Variants in TASP1 observed in about 807,000 individuals in gnomAD.
TASP1 encodes the protein threonine aspartase 1.
In TASP1, 16 loss-of-function variants were observed where a neutral mutation model predicts 56.6. The observed-to-expected ratio is 0.28, with a 90% CI of 0.19 to 0.43. The LOEUF (loss-of-function observed/expected upper bound fraction) is 0.43, where lower values mean the gene tolerates loss of function less well. TASP1 is among the 20% of genes least tolerant of loss of function. The pLI is 1.00. For missense variants in TASP1, 393 were observed against 511.6 expected (o/e 0.77, Z 2.24); for synonymous variants, 179 against 184.2 (o/e 0.97, Z 0.23).
At chr20:13,345,973 C>T in the TASP1 span, among the ~76,000 whole-genome samples, 3 of 145,090 alleles carry the variant, frequency 2.1e-5, no homozygotes, top group Admixed American at 2.1e-4. Context: ...GGCCGACATA[C>T]TAGCTAAGAG....
the TASP1 span, among the ~76,000 whole-genome samples, chr20:13,343,588 GC>G: frequency 1.7e-5 from 1 of 59,004 alleles, no homozygotes; most frequent in South Asian, 1.0e-3. Context: ...CGCCGCCCCC[GC>G]CCCCGCCCCC....
At chr20:13,289,253 G>A in the TASP1 span, among the ~76,000 whole-genome samples, 21 of 152,238 alleles carry the variant, frequency 1.4e-4, no homozygotes, top group Admixed American at 1.0e-3. Context: ...TTTTGATGTG[G>A]GATTTGTTGT....
Position 13,417,462 on chromosome 20 carries a change from C to T in TASP1, c.1156G>A (p.Asp386Asn), listed in dbSNP as rs1310068682. 1 of 1,614,162 alleles carries T rather than the reference C, an allele frequency of 6.2e-7. No homozygotes were observed. The highest frequency in any genetic ancestry group is 8.5e-7 in the Non-Finnish European group (1 of 1,180,000). The change falls in exon 13 of 14, where the codon GAT (aspartate) becomes AAT (asparagine). Residue 386 changes from aspartate to asparagine, a missense_variant. Asp to Asn is a conservative substitution (Grantham distance 23). Transcript: ENST00000337743. ...SMCVGYMSAQ[D>N]GKAKTHISRL... ...TTCCCACTTACCTTGGCTTTCCCAT[C>T]CTGGGCTGACATATATCCGACACAC... is the stretch of plus-strand genomic sequence containing the variant.
intron 10 of TASP1, among the ~76,000 whole-genome samples, chr20:13,506,722 C>A (rs1436309812): frequency 6.6e-6 from 1 of 151,954 alleles, no homozygotes; most frequent in African/African-American, 2.4e-5. Context: ...AAACTCTCAA[C>A]AAATTAGGTA....
At chr20:13,281,027 C>T in the TASP1 span, among the ~76,000 whole-genome samples, 2 of 152,184 alleles carry the variant, frequency 1.3e-5, no homozygotes, top group African/African-American at 4.8e-5. Context: ...ACAGATAGAC[C>T]AATTGTATAT....
chr20:13,225,033 T>G, the TASP1 span, among the ~76,000 whole-genome samples: 2 of 151,072 alleles, frequency 1.3e-5, no homozygotes, highest in African/African-American at 4.9e-5. Flanking sequence ...TTTTGTATTT[T>G]TAGTAGAGAC....
At chr20:13,107,048 G>T in the TASP1 span, among the ~76,000 whole-genome samples, 1 of 152,176 alleles carries the variant, frequency 6.6e-6, no homozygotes, top group Non-Finnish European at 1.5e-5. Flanking sequence ...TGGGTTTGAG[G>T]TTCCCATATT....
chr20:13,313,942 G>C, the TASP1 span, among the ~76,000 whole-genome samples: 4 of 152,102 alleles, frequency 2.6e-5, no homozygotes, highest in African/African-American at 9.7e-5. Flanking sequence ...TTCTAAGAAA[G>C]AAACATAAAA....
At chr20:13,586,174 C>CA (rs35005769) in intron 5 of TASP1, among the ~76,000 whole-genome samples, 1,222 of 53,138 alleles carry the variant, frequency 0.023, 127 homozygotes, top group East Asian at 0.18. Context: ...GACTCCATCT[C>CA]AAAAAAAAAA....
intron 10 of TASP1, among the ~76,000 whole-genome samples, chr20:13,508,140 C>T (rs563837890): frequency 6.6e-6 from 1 of 151,486 alleles, no homozygotes; most frequent in East Asian, 1.9e-4. Context: ...GAGTAAAACT[C>T]CTAGAAGAAA....
intron 11 of TASP1, among the ~76,000 whole-genome samples, chr20:13,455,195 A>C (rs914512244): frequency 6.6e-6 from 1 of 152,162 alleles, no homozygotes; most frequent in Non-Finnish European, 1.5e-5. Context: ...TTTAACACTG[A>C]CAAAATGGCT....
At chr20:13,234,139 C>T in the TASP1 span, among the ~76,000 whole-genome samples, 1 of 152,110 alleles carries the variant, frequency 6.6e-6, no homozygotes, top group Non-Finnish European at 1.5e-5. Context: ...CTTTTGGAGT[C>T]CCCAGTGTCT....
Position 13,507,858 on chromosome 20 carries a change from T to G in TASP1, c.874+20575A>C, listed in dbSNP as rs146617896. Among the ~76,000 whole-genome samples the G allele has an allele frequency of 3.2e-3, 494 of 152,232 alleles. 2 individuals are homozygous for G. The highest frequency in any genetic ancestry group is 0.012 in the East Asian group (60 of 5,186). On this transcript the variant is annotated intron_variant, in intron 10 of 13. Coordinates refer to ENST00000337743, the MANE Select transcript of TASP1 (RefSeq NM_017714.3). ...TACAAAGCTATAGTAACCAAAATAG[T>G]GTGGCACTGGCATAAAAACAGAAAC...
At chr20:13,338,081 C>T in the TASP1 span, among the ~76,000 whole-genome samples, 1 of 152,160 alleles carries the variant, frequency 6.6e-6, no homozygotes, top group South Asian at 2.1e-4. Context: ...AAAAGAATGG[C>T]TACTCTGTAG....
At chr20:13,577,483 G>A (rs144965880) in intron 6 of TASP1, among the ~76,000 whole-genome samples, 322 of 152,236 alleles carry the variant, frequency 2.1e-3, no homozygotes, top group African/African-American at 7.2e-3. Flanking sequence ...TTCATTTGTT[G>A]AAACCCTAGC....
At chr20:13,440,594 A>C (rs2043179973) in intron 11 of TASP1, among the ~76,000 whole-genome samples, 2 of 152,138 alleles carry the variant, frequency 1.3e-5, no homozygotes, top group African/African-American at 4.8e-5. Flanking sequence ...AGACTTGTAC[A>C]AGAAATGAAA....
the TASP1 span, among the ~76,000 whole-genome samples, chr20:13,327,358 T>C: frequency 6.6e-6 from 1 of 152,056 alleles, no homozygotes. Context: ...GAAGAATCAA[T>C]ATCATGAAAA....
At chr20:13,474,424 T>A (rs934783049) in intron 11 of TASP1, among the ~76,000 whole-genome samples, 1 of 152,234 alleles carries the variant, frequency 6.6e-6, no homozygotes, top group Non-Finnish European at 1.5e-5. Context: ...CTTAGAATAA[T>A]GGCCTCCAGC....
chr20:13,337,614 G>C, the TASP1 span, among the ~76,000 whole-genome samples: 10 of 152,200 alleles, frequency 6.6e-5, no homozygotes, highest in African/African-American at 9.6e-5. Flanking sequence ...ACATGTGGCA[G>C]GCTTGGCGGT....
Sources: allele counts gnomAD v4.1 joint callset (sites outside exome capture counted in the v4.1 genomes callset), GRCh38; gene constraint gnomAD v4.1.1; transcripts MANE v1.5; gene names NCBI Gene and HGNC (gene_info 2026-07-23, HGNC 2026-07-21).